The following KMT2D variants were observed in gnomAD, a reference collection of about 807,000 sequenced individuals.
KMT2D encodes the protein histone-lysine N-methyltransferase 2D.
A neutral mutation model predicts 512.7 loss-of-function variants in KMT2D; 55 were observed. That is an observed-to-expected ratio of 0.11 (90% confidence interval 0.09 to 0.13). The LOEUF (loss-of-function observed/expected upper bound fraction) is 0.13. Among genes scored for constraint, KMT2D ranks in the 10% least tolerant of loss-of-function variants. KMT2D has a pLI of 1.00. For missense variants in KMT2D, 6,061 were observed against 7,127.9 expected, an observed-to-expected ratio of 0.85 and a Z score of 5.39; for synonymous variants, 2,995 against 2,904.0, an observed-to-expected ratio of 1.03 and a Z score of -1.01.
Position 49,031,459 on chromosome 12 carries a change from T to G in KMT2D, c.13246A>C (p.Lys4416Gln). The change falls in exon 40 of 55, where the codon AAG becomes CAG. Residue 4416 changes from lysine to glutamine, a missense_variant. Physicochemically the swap from Lys to Gln is moderately conservative, Grantham distance 53. Around this residue, in one of 16 missense-constraint regions of KMT2D, gnomAD observed 1,600 missense variants for 1,754.9 expected, o/e 0.91. Coordinates refer to ENST00000301067, the MANE Select transcript of KMT2D (RefSeq NM_003482.4). ...CATGGCTCTTCCCGAGGTTCCTGCT[T>G]GATGCTGAGTTGGGATGCCTCAGGC... Reference protein sequence around the residue: ...VVPEASQLSIKQEPREEPCAL... With the variant: ...VVPEASQLSIQQEPREEPCAL... 6.2e-7 allele frequency: 1 copy of G among 1,613,770 alleles called. No individual in the cohort carries two copies. Among genetic ancestry groups the G allele is most frequent in the Non-Finnish European group, 8.5e-7 (1 of 1,179,840 alleles).
chr12:49,051,942 T>C lies in KMT2D; in HGVS notation c.1741A>G (p.Met581Val), dbSNP rs1446869144. Reference protein sequence around the residue: ...RLSPPPEESPMSPPPEESPMS... With the variant: ...RLSPPPEESPVSPPPEESPMS... ...GGTGACTCTTCAGGTGGAGGGGACA[T>C]GGGTGACTCCTCAGGTGGTGGAGAC... Residue 581 changes from methionine (M) to valine (V), a missense_variant, in exon 11 of 55, where the codon ATG (methionine) becomes GTG (valine). Met to Val is a conservative substitution (Grantham distance 21). Coordinates refer to ENST00000301067, the MANE Select transcript of KMT2D (RefSeq NM_003482.4). 10 of 1,607,068 alleles carry C rather than the reference T, an allele frequency of 6.2e-6. No homozygotes were observed. In the East Asian group the frequency reaches 6.7e-5, roughly 11 times the overall value.
chr12:49,044,382 A>G lies in KMT2D; in HGVS notation c.5083+21T>C. 6.2e-7 allele frequency: 1 copy of G among 1,613,338 alleles called. No individual in the cohort carries two copies. Among genetic ancestry groups the G allele is most frequent in the Non-Finnish European group, 8.5e-7 (1 of 1,179,724 alleles). On this transcript the variant is annotated intron_variant, in intron 21 of 54. Transcript: ENST00000301067. This position sits in a 1 kb window ranked among gnomAD's most constrained non-coding sequence, Gnocchi z 6.4. ...GCCCCGCACCACCCCACCACCCCAC[A>G]ACCCCATCCCAGGACCTCACCAGGC...
Position 49,039,383 on chromosome 12 carries a change from G to T in KMT2D, c.8230-25C>A. 6.2e-7 allele frequency: 1 copy of T among 1,608,240 alleles called. No homozygotes were observed. Among genetic ancestry groups the T allele is most frequent in the Non-Finnish European group, 8.5e-7 (1 of 1,176,732 alleles). The stretch of plus-strand genomic sequence containing the variant: ...CCTAGAAGAGACAAGGTAGATGAAG[G>T]TGGAGCAACCTTCAATATCCTGGCC... On this transcript the variant is annotated intron_variant, in intron 33 of 54. Transcript: ENST00000301067. The surrounding 1 kb of genome is among the most constrained non-coding windows in gnomAD (Gnocchi z 5.0).
Position 49,031,219 on chromosome 12 carries a change from C to A in KMT2D, c.13486G>T (p.Ala4496Ser), listed in dbSNP as rs775160406. The A allele has an allele frequency of 2.1e-5, 34 of 1,612,042 alleles. No individual in the cohort carries two copies. The highest frequency in any genetic ancestry group is 2.7e-5 in the Non-Finnish European group (32 of 1,178,920). ...EINGHIDSKLAGLEQKLQGTP... is the reference protein window; with the variant it reads ...EINGHIDSKLSGLEQKLQGTP... ...CCCTGTAGTTTCTGCTCCAGCCCAG[C>A]CAGCTTGCTGTCAATGTGCCCGTTG... The change falls in exon 40 of 55, where the codon GCT becomes TCT. Residue 4496 changes from alanine to serine, a missense_variant. Ala to Ser is a moderately conservative substitution (Grantham distance 99, BLOSUM62 1). Around this residue, in one of 16 missense-constraint regions of KMT2D, gnomAD observed 1,600 missense variants for 1,754.9 expected, o/e 0.91. Coordinates refer to ENST00000301067, the MANE Select transcript of KMT2D (RefSeq NM_003482.4).
Position 49,021,750 on chromosome 12 carries a change from G to A in KMT2D, c.*30C>T, listed in dbSNP as rs761238183. 3 of 1,530,414 alleles carry A rather than the reference G, an allele frequency of 2.0e-6. No individual in the cohort carries two copies. The highest frequency in any genetic ancestry group is 3.3e-5 in the Admixed American group (2 of 59,878). The allele number at this position is 1,530,414 out of a possible 1,614,324, so 94.8% of individuals were successfully genotyped here. On this transcript the variant is annotated 3_prime_UTR_variant, in exon 55 of 55. Coordinates refer to ENST00000301067, the MANE Select transcript of KMT2D (RefSeq NM_003482.4). ...TCAGGGAAGAGGTTGTGGGTAGGGG[G>A]ACTCCCCTGCCTGGTAGCCTCAAAG...
intron 44 of KMT2D, 66 bp from the exon 45 acceptor site, chr12:49,029,302 A>C: frequency 1.9e-6 from 3 of 1,592,734 alleles, no homozygotes; most frequent in Non-Finnish European, 2.6e-6. Context: ...TCTAGAGATG[A>C]ATAGATGTCT....
intron 42 of KMT2D, 74 bp from the exon 43 acceptor site, chr12:49,030,513 A>T: frequency 6.9e-7 from 1 of 1,441,484 alleles, no homozygotes; most frequent in Non-Finnish European, 9.4e-7. Context: ...GCCCCACTCT[A>T]CGTCAGCAAT....
chr12:49,050,270 G>C lies in KMT2D; in HGVS notation c.3318C>G (p.Pro1106=). The change falls in exon 12 of 55, where the codon CCC becomes CCG. Residue 1106 remains proline, a synonymous_variant. Coordinates refer to ENST00000301067, the MANE Select transcript of KMT2D (RefSeq NM_003482.4). ...AGTCATCCAGGGCTGGGGCAGGGCT[G>C]GGGGCGGGGCAGGAAAGGTCCCCCA... ...SPMGDLSCPA[P]SPAPALDDFS... is the part of the protein sequence containing the mutation. The C allele has an allele frequency of 6.2e-7, 1 of 1,611,818 alleles. No individual in the cohort carries two copies. The highest frequency in any genetic ancestry group is 1.7e-5 in the Admixed American group (1 of 59,638).
In KMT2D at chr12:49,030,383, TG is replaced by T; in HGVS notation, c.13895del (p.Pro4632HisfsTer8). ...CATTCACCATCTTCTGCTGCACCGA[TG>T]GGGGTGGGGTGGGGGGCAGCGACGA... ...PPSSLPPTPP[P>X]SVQQKMVNGV... On this transcript the variant is annotated frameshift_variant, in exon 43 of 55. Coordinates refer to ENST00000301067, the MANE Select transcript of KMT2D (RefSeq NM_003482.4). LOFTEE classifies it high-confidence loss of function. 1.4e-6 allele frequency: 1 copy of T among 728,606 alleles called. No homozygotes were observed. Among genetic ancestry groups the T allele is most frequent in the Non-Finnish European group, 2.2e-6 (1 of 446,988 alleles). The allele number at this position is 728,606 out of a possible 1,614,324, so 45.1% of individuals were successfully genotyped here.
rs745978081 is a variant in KMT2D, at chr12:49,049,181, C to G, written c.3944G>C (p.Arg1315Pro). 47 of 1,608,922 alleles carry G rather than the reference C, an allele frequency of 2.9e-5. No individual in the cohort carries two copies. Among genetic ancestry groups the G allele is most frequent in the Non-Finnish European group, 3.9e-5 (46 of 1,177,560 alleles). ...SSSFPGRRRPRGGAHGGRGRG... is the reference protein window; with the variant it reads ...SSSFPGRRRPPGGAHGGRGRG... ...ACCACGTCCTCCATGGGCTCCTCCA[C>G]GAGGCCGGCGTCTTCCTGGGAAACT... is the stretch of plus-strand genomic sequence containing the variant. Residue 1315 changes from arginine (R) to proline (P), a missense_variant, in exon 13 of 55, where the codon CGT becomes CCT. Coordinates refer to ENST00000301067, the MANE Select transcript of KMT2D (RefSeq NM_003482.4).
Position 49,054,448 on chromosome 12 carries a change from A to G in KMT2D, c.401-32T>C. ...AGGTGGGAAGAGGTAAAGAGAAAGG[A>G]AAGAATTAACAAAAAGAGGATTGCT... On this transcript the variant is annotated intron_variant, in intron 4 of 54. Coordinates refer to ENST00000301067, the MANE Select transcript of KMT2D (RefSeq NM_003482.4). This position sits in a 1 kb window ranked among gnomAD's most constrained non-coding sequence, Gnocchi z 6.4. The G allele has an allele frequency of 5.1e-6, 8 of 1,569,168 alleles. No homozygotes were observed. Among genetic ancestry groups the G allele is most frequent in the South Asian group, 1.2e-5 (1 of 85,828 alleles).
chr12:49,028,515 T>C (rs1942724508), intron 46 of KMT2D, among the ~76,000 whole-genome samples: 1 of 152,206 alleles, frequency 6.6e-6, no homozygotes, highest in African/African-American at 2.4e-5. Context: ...AGCCCGTTAA[T>C]ATTTTCAAAA....
rs773150321 is a variant in KMT2D, at chr12:49,032,619, A to T, written c.12086T>A (p.Val4029Glu). 8 of 1,613,924 alleles carry T rather than the reference A, an allele frequency of 5.0e-6. No homozygotes were observed. Among genetic ancestry groups the T allele is most frequent in the Non-Finnish European group, 6.8e-6 (8 of 1,179,870 alleles). ...GGCCTCTGAAGAAACGGCTGGGTCT[A>T]CGGTGTTTTGTTCCTTGCCCGTCAG... is the stretch of plus-strand genomic sequence containing the variant. ...LLLTGKEQNT[V>E]DPAVSSEATE... Residue 4029 changes from valine to glutamate, a missense_variant, in exon 40 of 55, where the codon GTA becomes GAA. Val to Glu is a moderately radical substitution (Grantham distance 121, BLOSUM62 -2). Coordinates refer to ENST00000301067, the MANE Select transcript of KMT2D (RefSeq NM_003482.4).
rs1347463821 is a variant in KMT2D, at chr12:49,041,326, GCCCGCCGGCGGCTTCAGGAA to G, written c.6424_6443del (p.Phe2142LeufsTer6). The G allele has an allele frequency of 3.9e-6, 6 of 1,538,106 alleles. No homozygotes were observed. Among genetic ancestry groups the G allele is most frequent in the Non-Finnish European group, 5.2e-6 (6 of 1,144,078 alleles). On this transcript the variant is annotated frameshift_variant, in exon 32 of 55. Transcript: ENST00000301067. LOFTEE classifies it high-confidence loss of function. The surrounding 1 kb of genome is among the most constrained non-coding windows in gnomAD (Gnocchi z 5.4). ...CAGGCGAGTCAGGGCCAGGCACCGAGCCCGCCGGCGGCTTCAGGAACCCGTCCGCAGAGGTAGACAAGCCG... is the reference window on the plus strand; with the variant it reads ...CAGGCGAGTCAGGGCCAGGCACCGAGCCCGTCCGCAGAGGTAGACAAGCCG...
At chr12:49,023,626 T>C (rs1385742286) in intron 51 of KMT2D, among the ~76,000 whole-genome samples, 2 of 152,188 alleles carry the variant, frequency 1.3e-5, no homozygotes, top group African/African-American at 4.8e-5. Context: ...GGAACTCCAA[T>C]ACATAAACTA....
chr12:49,030,852 T>A (rs1393810626), intron 41 of KMT2D, 41 bp downstream of exon 41: 13 of 1,613,046 alleles, frequency 8.1e-6, no homozygotes, highest in Non-Finnish European at 1.1e-5. Flanking sequence ...GTGCCCCCTA[T>A]CCTGGGATGG....
chr12:49,037,102 G>A (rs1943257632), intron 35 of KMT2D, 23 bp downstream of exon 35: 2 of 1,539,972 alleles, frequency 1.3e-6, no homozygotes, highest in Non-Finnish European at 8.8e-7. Context: ...GAGTAACTTG[G>A]CTATGTTACC....
chr12:49,050,180 C>A lies in KMT2D; in HGVS notation c.3408G>T (p.Glu1136Asp), dbSNP rs372234918. ...CCAAACTGCCAGGGGTCTGTCCAGG[C>A]TCTGGCTGTGAACCCGGAGCATCAA... ...DGIDAPGSQP[E>D]PGQTPGSLAS... The change falls in exon 12 of 55, where the codon GAG (glutamate) becomes GAT (aspartate). Residue 1136 changes from glutamate to aspartate, a missense_variant. Physicochemically the swap from Glu to Asp is conservative, Grantham distance 45 (BLOSUM62 2). Around this residue, in one of 16 missense-constraint regions of KMT2D, gnomAD observed 447 missense variants for 500.1 expected, o/e 0.89. Coordinates refer to ENST00000301067, the MANE Select transcript of KMT2D (RefSeq NM_003482.4). 82 of 1,613,822 alleles carry A rather than the reference C, an allele frequency of 5.1e-5. No homozygotes were observed. In the African/African-American group the frequency reaches 5.6e-4, roughly 11 times the overall value.
In KMT2D at chr12:49,029,168, A is replaced by G. The variant is rs2120392924; in HGVS notation, c.14144T>C (p.Leu4715Ser). 1.2e-6 allele frequency: 2 copies of G among 1,613,866 alleles called. No homozygotes were observed. The highest frequency in any genetic ancestry group is 1.7e-6 in the Non-Finnish European group (2 of 1,179,770). ...IVPASSPESILGEEAPRFPHL... is the reference protein window; with the variant it reads ...IVPASSPESISGEEAPRFPHL... The stretch of plus-strand genomic sequence containing the variant: ...AGGGAAACGAGGGGCCTCCTCCCCC[A>G]AGATGCTCTCAGGGGATGAAGCTGG... Residue 4715 changes from leucine to serine, a missense_variant, in exon 45 of 55, where the codon TTG (leucine) becomes TCG (serine). Leu to Ser is a moderately radical substitution (Grantham distance 145). Transcript: ENST00000301067.
Sources: gnomAD v4.1 joint callset for allele counts (sites outside exome capture counted in the v4.1 genomes callset) on GRCh38, gnomAD v4.1.1 for gene constraint, gnomAD v4.1.1 regional missense constraint, Gnocchi (gnomAD v3.1) non-coding constraint, MANE v1.5 for transcripts, NCBI Gene and HGNC (gene_info 2026-07-23, HGNC 2026-07-21) for gene names.